The following SEMA6A variants were observed in gnomAD, a reference collection of about 807,000 sequenced individuals.
SEMA6A encodes the protein semaphorin-6A.
SEMA6A carries 25 observed loss-of-function variants against 96.8 expected under a neutral mutation model. That is an observed-to-expected ratio of 0.26 (90% CI 0.19 to 0.36). The LOEUF (loss-of-function observed/expected upper bound fraction) is 0.36. Ranked by LOEUF, SEMA6A falls within the 10% of genes least tolerant of loss-of-function variation. The pLI, the probability that SEMA6A is intolerant of heterozygous loss-of-function variation, is 1.00. For missense variants in SEMA6A, 1,363 were observed against 1,323.1 expected, an observed-to-expected ratio of 1.03 and a Z score of -0.47; for synonymous variants, 612 against 518.0, an observed-to-expected ratio of 1.18 and a Z score of -2.46.
chr5:116,503,535 CAG>C (rs1757995217), intron 2 of SEMA6A, among the ~76,000 whole-genome samples: 1 of 145,124 alleles, frequency 6.9e-6, no homozygotes, highest in Non-Finnish European at 1.5e-5. Flanking sequence ...TTTTTTGAGA[CAG>C]AGTCTCGCTC....
rs1023652284 is a variant in SEMA6A, at chr5:116,505,123, G to C, written c.-38-141C>G. ...ACATGGTAAATTCGTTGATTTTTGT[G>C]TTTGGAACTTGTACCCGTTACCTAC... On this transcript the variant is annotated intron_variant, in intron 1 of 18. Transcript: ENST00000343348. 7.3e-6 allele frequency: 4 copies of C among 544,634 alleles called. No individual in the cohort carries two copies. The African/African-American group carries it at 7.6e-5, about 10-fold the overall frequency. 33.7% of individuals were successfully genotyped at this position (544,634 alleles called of 1,614,324 possible). A position where few individuals can be genotyped will look rare whatever the true frequency, so the allele number is the denominator to read the frequency against.
At chr5:116,482,056 A>G (rs1218913595) in intron 11 of SEMA6A, among the ~76,000 whole-genome samples, 1 of 152,156 alleles carries the variant, frequency 6.6e-6, no homozygotes, top group Non-Finnish European at 1.5e-5. Flanking sequence ...ATTTGGGTTT[A>G]AAGACATGGG....
intron 1 of SEMA6A, among the ~76,000 whole-genome samples, chr5:116,525,195 C>T (rs1325177476): frequency 6.6e-6 from 1 of 152,162 alleles, no homozygotes; most frequent in African/African-American, 2.4e-5. Context: ...TCCCCATGAA[C>T]AGAAGAGGTC....
At chr5:116,515,293 T>C (rs1395051798) in intron 1 of SEMA6A, among the ~76,000 whole-genome samples, 1 of 152,144 alleles carries the variant, frequency 6.6e-6, no homozygotes, top group Non-Finnish European at 1.5e-5. Context: ...ATATTACAGC[T>C]GAGAATAAAG....
At chr5:116,491,226 G>A (rs959856633) in intron 7 of SEMA6A, among the ~76,000 whole-genome samples, 2 of 152,122 alleles carry the variant, frequency 1.3e-5, no homozygotes, top group African/African-American at 2.4e-5. Context: ...TGGACAGGAA[G>A]ACATGTAGCC....
intron 1 of SEMA6A, among the ~76,000 whole-genome samples, chr5:116,559,837 A>G (rs1373729202): frequency 6.6e-6 from 1 of 152,114 alleles, no homozygotes; most frequent in African/African-American, 2.4e-5. Flanking sequence ...TACCATGCCA[A>G]CATACCCAGA....
At chr5:116,482,895 T>C (rs1236087159) in intron 10 of SEMA6A, among the ~76,000 whole-genome samples, 1 of 152,236 alleles carries the variant, frequency 6.6e-6, no homozygotes, top group Non-Finnish European at 1.5e-5. Context: ...ATGAATTCCC[T>C]GGTACTAATT....
intron 1 of SEMA6A, among the ~76,000 whole-genome samples, chr5:116,518,087 A>G (rs1291747653): frequency 6.6e-6 from 1 of 152,204 alleles, no homozygotes; most frequent in East Asian, 1.9e-4. Context: ...GAATAACCCC[A>G]GAAGTTTAGG....
intron 17 of SEMA6A, chr5:116,469,410 T>C (rs1755969587): frequency 6.6e-6 from 1 of 152,198 alleles, no homozygotes; most frequent in African/African-American, 2.4e-5. Context: ...AGTTCCTTTA[T>C]TTCCTTTCAG....
In SEMA6A at chr5:116,487,114, A is replaced by G. The variant is rs1757089447; in HGVS notation, c.745-148T>C. ...CAGTAACAAAAAAAAAAAAGAAAGA[A>G]AAGAAAAAAAGAGGAAAACTCAGCA... On this transcript the variant is annotated intron_variant, in intron 9 of 18. Coordinates refer to ENST00000343348, the MANE Select transcript of SEMA6A (RefSeq NM_020796.5). The G allele has an allele frequency of 9.7e-6, 6 of 618,858 alleles. No individual in the cohort carries two copies. The South Asian group carries it at 1.2e-4, about 13-fold the overall frequency. The allele number at this position is 618,858 out of a possible 1,614,324, so 38.3% of individuals were successfully genotyped here.
intron 18 of SEMA6A, among the ~76,000 whole-genome samples, chr5:116,465,188 C>G (rs1202547984): frequency 6.6e-6 from 1 of 152,034 alleles, no homozygotes; most frequent in Non-Finnish European, 1.5e-5. Flanking sequence ...TGAAAAGAAG[C>G]GAGGGCATCA....
At chr5:116,541,688 C>T (rs1172982764) in intron 1 of SEMA6A, among the ~76,000 whole-genome samples, 1 of 152,144 alleles carries the variant, frequency 6.6e-6, no homozygotes, top group Non-Finnish European at 1.5e-5. Context: ...CAAAAATTAG[C>T]TGGGCGTGGT....
Position 116,480,238 on chromosome 5 carries a change from A to G in SEMA6A, c.1134T>C (p.Tyr378=), listed in dbSNP as rs372944059. The change falls in exon 12 of 19, where the codon TAT becomes TAC. Residue 378 remains tyrosine (Y), a synonymous_variant. Transcript: ENST00000343348. The stretch of plus-strand genomic sequence containing the variant: ...CATCAGGGAACTCATTGGAGGTTGC[A>G]TATCTTTCTAAGGAGGATGAGCCAG... The part of the protein sequence containing the change: ...CCAGSSSLER[Y]ATSNEFPDDT... 249 of 1,613,752 alleles carry G rather than the reference A, an allele frequency of 1.5e-4. No homozygotes were observed. Among genetic ancestry groups the G allele is most frequent in the Non-Finnish European group, 2.0e-4 (240 of 1,179,800 alleles).
intron 1 of SEMA6A, among the ~76,000 whole-genome samples, chr5:116,568,654 A>C (rs1311920362): frequency 6.6e-6 from 1 of 152,222 alleles, no homozygotes; most frequent in Non-Finnish European, 1.5e-5. Context: ...GACTCCCTCC[A>C]GCTACAACCA....
chr5:116,454,809 T>TGC lies in SEMA6A; in HGVS notation c.1895-7000_1895-6999dup, dbSNP rs1280291483. 4.7e-5 allele frequency among the ~76,000 whole-genome samples: 7 copies of TGC among 150,208 alleles called. No individual in the cohort carries two copies. The South Asian group carries it at 8.4e-4, about 18-fold the overall frequency. On this transcript the variant is annotated intron_variant, in intron 18 of 18. Transcript: ENST00000343348. ...CTTTAAGTGTGTGTGTGTGTGTGTG[T>TGC]GCATGTGTGTGTGCGCGTGTGTGTG...
intron 1 of SEMA6A, among the ~76,000 whole-genome samples, chr5:116,555,499 A>T (rs1760573048): frequency 6.6e-6 from 1 of 152,178 alleles, no homozygotes; most frequent in South Asian, 2.1e-4. Context: ...GTTTTATTAT[A>T]TAAAATAAAC....
chr5:116,447,715 A>G lies in SEMA6A; in HGVS notation c.1991T>C (p.Val664Ala), dbSNP rs1156295344. 6.2e-7 allele frequency: 1 copy of G among 1,613,914 alleles called. No homozygotes were observed. The highest frequency in any genetic ancestry group is 8.5e-7 in the Non-Finnish European group (1 of 1,179,840). The part of the protein sequence containing the change: ...AVILAFVMGA[V>A]FSGITVYCVC... Reference sequence around the variant, plus strand: ...GCAGTAGACGGTGATGCCCGAGAAGACGGCCCCCATGACGAAAGCCAGGAT... The same window carrying G: ...GCAGTAGACGGTGATGCCCGAGAAGGCGGCCCCCATGACGAAAGCCAGGAT... The change falls in exon 19 of 19, where the codon GTC becomes GCC. Residue 664 changes from valine to alanine, a missense_variant. Transcript: ENST00000343348.
intron 16 of SEMA6A, among the ~76,000 whole-genome samples, chr5:116,474,509 A>G (rs1202699338): frequency 6.6e-6 from 1 of 152,202 alleles, no homozygotes; most frequent in East Asian, 1.9e-4. Context: ...TTTTGCCAAT[A>G]TATAATATTT....
At chr5:116,573,721 C>G (rs1239279644) in intron 1 of SEMA6A, among the ~76,000 whole-genome samples, 1 of 152,140 alleles carries the variant, frequency 6.6e-6, no homozygotes, top group South Asian at 2.1e-4. Flanking sequence ...ACGAAAACAG[C>G]GCTGTTATAC....
Sources: gnomAD v4.1 joint callset for allele counts (sites outside exome capture counted in the v4.1 genomes callset) on GRCh38, gnomAD v4.1.1 for gene constraint, MANE v1.5 for transcripts, NCBI Gene and HGNC (gene_info 2026-07-23, HGNC 2026-07-21) for gene names.